The following RBMS3 variants were observed in gnomAD, a reference collection of about 807,000 sequenced individuals.
RBMS3 encodes the protein RNA-binding motif, single-stranded-interacting protein 3.
A neutral mutation model predicts 66.8 loss-of-function variants in RBMS3; 27 were observed. The ratio of observed to expected loss-of-function variants is 0.40; its 90% CI spans 0.30 to 0.56. The LOEUF (loss-of-function observed/expected upper bound fraction) is 0.56, where lower values mean the gene tolerates loss of function less well. Among genes scored for constraint, RBMS3 ranks in the 20% least tolerant of loss-of-function variants. The pLI, the probability that RBMS3 is intolerant of heterozygous loss-of-function variation, is 0.40. For missense variants in RBMS3, 513 were observed against 549.5 expected (o/e 0.93, Z 0.66); for synonymous variants, 188 against 183.0 (o/e 1.03, Z -0.22).
At chr3:29,606,310 T>G (rs1655776063) in intron 4 of RBMS3, among the ~76,000 whole-genome samples, 1 of 151,920 alleles carries the variant, frequency 6.6e-6, no homozygotes, top group Non-Finnish European at 1.5e-5. Context: ...ATGCAAATAT[T>G]TATGGATCAC....
At chr3:29,423,699 G>T (rs557175098) in intron 1 of RBMS3, among the ~76,000 whole-genome samples, 1 of 152,154 alleles carries the variant, frequency 6.6e-6, no homozygotes, top group Admixed American at 6.5e-5. Context: ...CAGTACCCAC[G>T]TATGTTTTTC....
intron 3 of RBMS3, among the ~76,000 whole-genome samples, chr3:29,490,762 G>A (rs3773028): frequency 0.074 from 11,245 of 152,150 alleles, 722 homozygotes; most frequent in African/African-American, 0.17. Context: ...CTGGGCCATG[G>A]CCAAGGGATG....
At chr3:29,594,305 A>G (rs1161186292) in intron 4 of RBMS3, among the ~76,000 whole-genome samples, 2 of 152,064 alleles carry the variant, frequency 1.3e-5, no homozygotes, top group Admixed American at 6.6e-5. Flanking sequence ...ATTGATCAGT[A>G]AATTTTTATT....
chr3:29,503,571 C>T (rs559189173), intron 3 of RBMS3, among the ~76,000 whole-genome samples: 1 of 152,180 alleles, frequency 6.6e-6, no homozygotes, highest in Admixed American at 6.6e-5. Context: ...AGGCACCAAT[C>T]CTAATATAAC....
chr3:29,375,571 G>A (rs1023121536), intron 1 of RBMS3, among the ~76,000 whole-genome samples: 1 of 152,132 alleles, frequency 6.6e-6, no homozygotes, highest in African/African-American at 2.4e-5. Flanking sequence ...ATCAAAAGAA[G>A]ACATACATGC....
chr3:29,704,722 G>T (rs1392405390), intron 4 of RBMS3, among the ~76,000 whole-genome samples: 1 of 152,250 alleles, frequency 6.6e-6, no homozygotes, highest in Admixed American at 6.5e-5. Flanking sequence ...TTTTTGAATT[G>T]CTGTGTTGAT....
chr3:30,007,253 G>GATTT lies in RBMS3; in HGVS notation c.*3392_*3395dup, dbSNP rs897242853. 1 of 151,738 alleles carries GATTT rather than the reference G, an allele frequency of 6.6e-6. No homozygotes were observed. The highest frequency in any genetic ancestry group is 2.4e-5 in the African/African-American group (1 of 41,344). The allele number at this position is 151,738 out of a possible 1,614,324, so 9.4% of individuals were successfully genotyped here. ...TTTAATCAACAAAATATATTGTAGT[G>GATTT]ATTTGTTTGTTTGTTTGTTTGAGAC... On this transcript the variant is annotated 3_prime_UTR_variant, in exon 15 of 15. Transcript: ENST00000383767.
At chr3:29,990,830 C>A (rs1040962462) in intron 13 of RBMS3, among the ~76,000 whole-genome samples, 1 of 152,064 alleles carries the variant, frequency 6.6e-6, no homozygotes. Context: ...CAAGTATAGG[C>A]AAAATTATTT....
chr3:29,314,936 T>C, intron 1 of RBMS3, among the ~76,000 whole-genome samples: 1 of 151,624 alleles, frequency 6.6e-6, no homozygotes, highest in East Asian at 1.9e-4. Flanking sequence ...CAAAAATCAC[T>C]GGAGCTTTGG....
intron 1 of RBMS3, among the ~76,000 whole-genome samples, chr3:29,309,113 T>A (rs984003965): frequency 1.3e-5 from 2 of 151,690 alleles, no homozygotes; most frequent in Non-Finnish European, 2.9e-5. Context: ...TTGGCAGAGG[T>A]TGACCAGTAC....
chr3:29,764,506 T>G (rs1419059189), intron 6 of RBMS3, among the ~76,000 whole-genome samples: 1 of 151,962 alleles, frequency 6.6e-6, no homozygotes, highest in Non-Finnish European at 1.5e-5. Flanking sequence ...CGGATACCTA[T>G]TTATATAGAA....
chr3:29,892,340 A>G (rs1481365946), intron 8 of RBMS3, among the ~76,000 whole-genome samples: 1 of 151,574 alleles, frequency 6.6e-6, no homozygotes, highest in Admixed American at 6.6e-5. Flanking sequence ...TGCTTCAGCA[A>G]GGTGTCTCAA....
intron 7 of RBMS3, among the ~76,000 whole-genome samples, chr3:29,883,105 T>C (rs1022065960): frequency 1.3e-5 from 2 of 152,104 alleles, no homozygotes; most frequent in Non-Finnish European, 1.5e-5. Context: ...CAGTTTTAAA[T>C]TCCATTCAAC....
At chr3:29,944,387 G>T in intron 12 of RBMS3, 133 bp downstream of exon 12, 1 of 685,724 alleles carries the variant, frequency 1.5e-6, no homozygotes, top group Non-Finnish European at 2.6e-6. Context: ...CAGTTTGCAA[G>T]GGGGCATGTG....
intron 2 of RBMS3, among the ~76,000 whole-genome samples, chr3:29,451,573 G>T (rs1267052073): frequency 6.6e-6 from 1 of 151,182 alleles, no homozygotes; most frequent in Non-Finnish European, 1.5e-5. Flanking sequence ...GGATTTTGTG[G>T]TTTTTGTTTT....
chr3:29,975,427 G>T (rs1244922351), intron 12 of RBMS3, among the ~76,000 whole-genome samples: 1 of 151,678 alleles, frequency 6.6e-6, no homozygotes, highest in Non-Finnish European at 1.5e-5. Flanking sequence ...TTGGTATTGT[G>T]AGCCTTTTTC....
At chr3:29,468,042 T>C (rs1317814544) in intron 2 of RBMS3, among the ~76,000 whole-genome samples, 10 of 152,186 alleles carry the variant, frequency 6.6e-5, no homozygotes, top group Admixed American at 6.5e-4. Context: ...AGGAATGCTA[T>C]TGACACTTTC....
chr3:29,466,296 T>C (rs2125788971), intron 2 of RBMS3, among the ~76,000 whole-genome samples: 1 of 152,144 alleles, frequency 6.6e-6, no homozygotes, highest in South Asian at 2.1e-4. Context: ...AAGTTGGTGA[T>C]TTCGCTATGA....
At chr3:29,869,339 T>C (rs1488680172) in intron 7 of RBMS3, among the ~76,000 whole-genome samples, 1 of 152,136 alleles carries the variant, frequency 6.6e-6, no homozygotes, top group Non-Finnish European at 1.5e-5. Context: ...AATGTTTGTG[T>C]TTTGAAACAG....
Sources: allele counts gnomAD v4.1 joint callset (sites outside exome capture counted in the v4.1 genomes callset), GRCh38; gene constraint gnomAD v4.1.1; transcripts MANE v1.5; gene names NCBI Gene and HGNC (gene_info 2026-07-23, HGNC 2026-07-21).